ITPR2: variants seen among roughly 807,000 people sequenced by gnomAD.
ITPR2 encodes the protein inositol 1,4,5-trisphosphate receptor type 2.
A neutral mutation model predicts 317.1 loss-of-function variants in ITPR2; 207 were observed. The ratio of observed to expected loss-of-function variants is 0.65; its 90% CI spans 0.58 to 0.73. The LOEUF (loss-of-function observed/expected upper bound fraction) is 0.73. Among genes scored for constraint, ITPR2 ranks in the 30% least tolerant of loss-of-function variants. The probability of loss-of-function intolerance (pLI) is 0.00; values close to 1 mark genes in which losing one functional copy is unlikely to be tolerated. For missense variants in ITPR2, 2,613 were observed against 3,284.0 expected, an observed-to-expected ratio of 0.80 and a Z score of 4.99; for synonymous variants, 1,156 against 1,149.1, an observed-to-expected ratio of 1.01 and a Z score of -0.12.
chr12:26,733,648 C>G (rs752167035), intron 2 of ITPR2, among the ~76,000 whole-genome samples: 12 of 152,114 alleles, frequency 7.9e-5, no homozygotes, highest in Non-Finnish European at 1.3e-4. Flanking sequence ...GAAGCTTTAT[C>G]CTTTGCCTAA....
chr12:26,745,496 T>C (rs1042604817), intron 2 of ITPR2, among the ~76,000 whole-genome samples: 3 of 152,204 alleles, frequency 2.0e-5, no homozygotes, highest in Non-Finnish European at 4.4e-5. Context: ...GTGAGGACAA[T>C]TGCTACCAAG....
chr12:26,447,205 C>T (rs376487245), intron 45 of ITPR2, among the ~76,000 whole-genome samples: 45 of 152,024 alleles, frequency 3.0e-4, no homozygotes, highest in East Asian at 2.9e-3. Context: ...TATATTTATG[C>T]GTTTAAGTGG....
At position 26,481,122 on chromosome 12, in the gene ITPR2, T is replaced by C. The variant is rs999997315; in HGVS notation, c.6123+9A>G. 2.0e-6 allele frequency: 3 copies of C among 1,534,090 alleles called. No homozygotes were observed. The highest frequency in any genetic ancestry group is 1.8e-6 in the Non-Finnish European group (2 of 1,107,590). On this transcript the variant is annotated intron_variant, in intron 43 of 56. Transcript: ENST00000381340. Reference sequence around the variant, plus strand: ...AGCTTTTCTGGCCTGAACAGTGGAATCGCTCTACCTTTAGCTGGAGCACCA... The same window carrying C: ...AGCTTTTCTGGCCTGAACAGTGGAACCGCTCTACCTTTAGCTGGAGCACCA...
intron 39 of ITPR2, among the ~76,000 whole-genome samples, chr12:26,492,440 T>G (rs1942827407): frequency 7.0e-6 from 1 of 143,334 alleles, no homozygotes; most frequent in Admixed American, 7.1e-5. Flanking sequence ...TGAGGATATC[T>G]TCTAGAGATG....
chr12:26,724,832 T>C (rs1268066270), intron 3 of ITPR2, 90 bp from the exon 4 acceptor site: 5 of 748,178 alleles, frequency 6.7e-6, no homozygotes, highest in East Asian at 2.7e-5. Context: ...AACAAGACTA[T>C]AGCCAGGAAT....
intron 36 of ITPR2, among the ~76,000 whole-genome samples, chr12:26,551,855 G>A (rs1053024967): frequency 3.9e-5 from 6 of 152,240 alleles, no homozygotes; most frequent in Non-Finnish European, 5.9e-5. Context: ...AGAGGAAAGT[G>A]TAAGAGATGT....
In ITPR2 at chr12:26,559,075, C is replaced by T. The variant is rs540055903; in HGVS notation, c.4821+2687G>A. 1.1e-4 allele frequency among the ~76,000 whole-genome samples: 16 copies of T among 152,304 alleles called. No individual in the cohort carries two copies. In the South Asian group the frequency reaches 3.3e-3, roughly 32 times the overall value. ...AAAATTAATACACTTCTCTGCATTA[C>T]TATTGTTACCTCCTTAAGCCAAGCT... On this transcript the variant is annotated intron_variant, in intron 35 of 56. Coordinates refer to ENST00000381340, the MANE Select transcript of ITPR2 (RefSeq NM_002223.4).
intron 37 of ITPR2, among the ~76,000 whole-genome samples, chr12:26,512,734 C>T (rs193013870): frequency 1.3e-4 from 20 of 152,272 alleles, no homozygotes; most frequent in Admixed American, 1.3e-3. Context: ...CATCCTTAAC[C>T]TTGGCAAAAT....
intron 55 of ITPR2, among the ~76,000 whole-genome samples, chr12:26,379,072 G>A (rs1939427713): frequency 6.6e-6 from 1 of 152,176 alleles, no homozygotes; most frequent in African/African-American, 2.4e-5. Context: ...GTATGGGATC[G>A]AATACTAATA....
At chr12:26,787,083 A>C (rs1214706675) in intron 2 of ITPR2, among the ~76,000 whole-genome samples, 1 of 152,228 alleles carries the variant, frequency 6.6e-6, no homozygotes, top group Non-Finnish European at 1.5e-5. Flanking sequence ...AAGACAAGCT[A>C]TGCAAAAGGA....
In ITPR2 at chr12:26,548,977, C is replaced by T. The variant is rs116211082; in HGVS notation, c.5073+1270G>A. Among the ~76,000 whole-genome samples the T allele has an allele frequency of 6.3e-3, 966 of 152,240 alleles. 13 individuals carry two copies. The highest frequency in any genetic ancestry group is 0.022 in the African/African-American group (931 of 41,544). ...CTGTTACATAAAAATGGAAGACTTG[C>T]CATGTACCTCCTGTTAAGTGCAAGT... On this transcript the variant is annotated intron_variant, in intron 37 of 56. Transcript: ENST00000381340.
Position 26,436,358 on chromosome 12 carries a change from G to A in ITPR2, c.6644-12C>T. 6.3e-7 allele frequency: 1 copy of A among 1,599,634 alleles called. No homozygotes were observed. Among genetic ancestry groups the A allele is most frequent in the African/African-American group, 1.3e-5 (1 of 74,098 alleles). ...CAGTGCAGGGTTATCTAGGAAGTGAGAAATGTAAAGGAACTGAACAGGAAA... is the reference window on the plus strand; with the variant it reads ...CAGTGCAGGGTTATCTAGGAAGTGAAAAATGTAAAGGAACTGAACAGGAAA... On this transcript the variant is annotated splice_polypyrimidine_tract_variant and intron_variant, in intron 47 of 56. Transcript: ENST00000381340.
At chr12:26,756,716 G>T (rs1949528092) in intron 2 of ITPR2, among the ~76,000 whole-genome samples, 1 of 152,158 alleles carries the variant, frequency 6.6e-6, no homozygotes, top group African/African-American at 2.4e-5. Flanking sequence ...GCCTGAAGAA[G>T]TTACAGAAGA....
chr12:26,725,944 T>C, intron 2 of ITPR2, 179 bp from the exon 3 acceptor site: 1 of 484,092 alleles, frequency 2.1e-6, no homozygotes, highest in Non-Finnish European at 3.7e-6. Flanking sequence ...CAAATAATTA[T>C]CTAGACTCAG....
intron 15 of ITPR2, among the ~76,000 whole-genome samples, chr12:26,661,292 G>GGGGA (rs775141723): frequency 1.6e-5 from 1 of 62,702 alleles, no homozygotes; most frequent in Non-Finnish European, 3.2e-5. Flanking sequence ...GGGGGGGTGG[G>GGGGA]AGGGAACGGG....
chr12:26,751,929 C>T (rs1350978469), intron 2 of ITPR2, among the ~76,000 whole-genome samples: 1 of 151,454 alleles, frequency 6.6e-6, no homozygotes, highest in Non-Finnish European at 1.5e-5. Context: ...TCATTTCGAA[C>T]CCAGACACAA....
rs199523133 is a variant in ITPR2 at position 26,659,165 on chromosome 12, C to T, written c.1834G>A (p.Ala612Thr). Residue 612 changes from alanine to threonine, a missense_variant, in exon 16 of 57, where the codon GCA (alanine) becomes ACA (threonine). Physicochemically the swap from Ala to Thr is moderately conservative, Grantham distance 58 (BLOSUM62 0). This residue lies in a region of ITPR2 where 515 missense variants were observed against 789.4 expected (regional missense o/e 0.65). Coordinates refer to ENST00000381340, the MANE Select transcript of ITPR2 (RefSeq NM_002223.4). ...CTGACAAATGTTTCTATTTCTTTTG[C>T]TGTGATATGTTTCTCTAGTAGTTTT... ...NRKLLEKHIT[A>T]KEIETFVSLL... 7.6e-5 allele frequency: 123 copies of T among 1,613,344 alleles called. No homozygotes were observed. The highest frequency in any genetic ancestry group is 1.0e-4 in the Non-Finnish European group (118 of 1,179,650).
chr12:26,400,108 A>G lies in ITPR2; in HGVS notation c.7530+20T>C. 3.8e-6 allele frequency: 6 copies of G among 1,581,524 alleles called. No homozygotes were observed. Among genetic ancestry groups the G allele is most frequent in the Non-Finnish European group, 5.1e-6 (6 of 1,166,152 alleles). ...AAAAAAAGATGTGCTCCTTGAAAAA[A>G]TACTTTTACTCTGGCTTACATCTTT... is the stretch of plus-strand genomic sequence containing the variant. On this transcript the variant is annotated intron_variant, in intron 53 of 56. Coordinates refer to ENST00000381340, the MANE Select transcript of ITPR2 (RefSeq NM_002223.4).
chr12:26,462,673 CTTTT>C (rs1555134095), intron 45 of ITPR2, among the ~76,000 whole-genome samples: 1 of 62,768 alleles, frequency 1.6e-5, no homozygotes, highest in Non-Finnish European at 5.0e-5. Flanking sequence ...AGCTTTCTTT[CTTTT>C]TTTTTTTTTT....
Sources: gnomAD v4.1 joint callset for allele counts (sites outside exome capture counted in the v4.1 genomes callset) on GRCh38, gnomAD v4.1.1 for gene constraint, gnomAD v4.1.1 regional missense constraint, MANE v1.5 for transcripts, NCBI Gene and HGNC (gene_info 2026-07-23, HGNC 2026-07-21) for gene names.